FOXM1: variants seen among roughly 807,000 people sequenced by gnomAD.
FOXM1 encodes the protein forkhead box protein M1.
In FOXM1, 25 loss-of-function variants were observed where a neutral mutation model predicts 63.6. The observed-to-expected ratio is 0.39, with a 90% confidence interval of 0.29 to 0.55. The LOEUF (loss-of-function observed/expected upper bound fraction) is 0.55. Ranked by LOEUF, FOXM1 falls within the 20% of genes least tolerant of loss-of-function variation. The pLI is 0.60. For missense variants in FOXM1, 879 were observed against 958.7 expected, an observed-to-expected ratio of 0.92 and a Z score of 1.10; for synonymous variants, 387 against 376.9, an observed-to-expected ratio of 1.03 and a Z score of -0.31.
intron 4 of FOXM1, among the ~76,000 whole-genome samples, chr12:2,867,332 G>A (rs957180138): frequency 1.3e-5 from 2 of 151,932 alleles, no homozygotes; most frequent in Non-Finnish European, 2.9e-5. Flanking sequence ...AGCGGACTGT[G>A]GTGGTGCACC....
chr12:2,875,760 A>T (rs28373537), intron 1 of FOXM1, among the ~76,000 whole-genome samples: 10 of 139,902 alleles, frequency 7.1e-5, no homozygotes, highest in East Asian at 2.0e-4. Flanking sequence ...GATTTTTTTT[A>T]ATTTTTTTTT....
At chr12:2,866,585 C>A in intron 4 of FOXM1, 64 bp from the exon 5 acceptor site, 1 of 1,448,128 alleles carries the variant, frequency 6.9e-7, no homozygotes, top group Non-Finnish European at 9.1e-7. Context: ...ACCCTTCAAA[C>A]ACATGGGGAA....
rs376627884 is a variant in FOXM1 at position 2,867,555 on chromosome 12, G to A, written c.846+1008C>T. Among the ~76,000 whole-genome samples the A allele has an allele frequency of 4.3e-3, 648 of 151,922 alleles. 3 individuals are homozygous for A. Among genetic ancestry groups the A allele is most frequent in the African/African-American group, 0.015 (604 of 41,460 alleles). ...CGGGCGCCTGTAGTCCCAGCTACTCGGGAAGCTGAGGCAGGAGAATGGCGT... is the reference window on the plus strand; with the variant it reads ...CGGGCGCCTGTAGTCCCAGCTACTCAGGAAGCTGAGGCAGGAGAATGGCGT... On this transcript the variant is annotated intron_variant, in intron 4 of 8. Coordinates refer to ENST00000359843, the MANE Select transcript of FOXM1 (RefSeq NM_021953.4).
rs139984595 is a variant in FOXM1, at chr12:2,874,751, G to A, written c.-47-226C>T. On this transcript the variant is annotated intron_variant, in intron 1 of 8. Coordinates refer to ENST00000359843, the MANE Select transcript of FOXM1 (RefSeq NM_021953.4). The surrounding 1 kb of genome is among the most constrained non-coding windows in gnomAD (Gnocchi z 4.3). ...GAAGCAATTCAAAGGGCAAAAATGG[G>A]ACTGGGTTGGAGATAAGACAAAGAT... 4.8e-3 allele frequency among the ~76,000 whole-genome samples: 731 copies of A among 152,218 alleles called. 4 individuals carry two copies. The highest frequency in any genetic ancestry group is 0.017 in the African/African-American group (691 of 41,544).
chr12:2,866,645 T>A, intron 4 of FOXM1, 124 bp from the exon 5 acceptor site: 2 of 1,010,540 alleles, frequency 2.0e-6, no homozygotes, highest in Non-Finnish European at 2.7e-6. Flanking sequence ...TCGTCTGGTG[T>A]CTTTGCAGCC....
chr12:2,869,842 C>A (rs1367061122), intron 3 of FOXM1, among the ~76,000 whole-genome samples: 1 of 151,916 alleles, frequency 6.6e-6, no homozygotes, highest in Non-Finnish European at 1.5e-5. Context: ...CCACCTTGGC[C>A]TCCCAAAGTG....
intron 8 of FOXM1, chr12:2,859,900 T>G: frequency 1.8e-5 from 9 of 496,876 alleles, no homozygotes; most frequent in East Asian, 7.2e-5. Flanking sequence ...AATTGCATGC[T>G]TGTCTTACAC....
Position 2,864,433 on chromosome 12 carries a change from C to T in FOXM1, c.1153G>A (p.Val385Met). Residue 385 changes from valine (V) to methionine (M), a missense_variant, in exon 8 of 9, where the codon GTG (valine) becomes ATG (methionine). Around this residue, in one of 4 missense-constraint regions of FOXM1, gnomAD observed 76 missense variants for 94.5 expected, o/e 0.80. Transcript: ENST00000359843. This position sits in a 1 kb window ranked among gnomAD's most constrained non-coding sequence, Gnocchi z 5.1. Reference sequence around the variant, plus strand: ...GGCTGCAACACCAGTGACTGGTTCACCGGGAACTGGATAGGTACCAGGTAT... The same window carrying T: ...GGCTGCAACACCAGTGACTGGTTCATCGGGAACTGGATAGGTACCAGGTAT... ...SSYLVPIQFP[V>M]NQSLVLQPSV... is the part of the protein sequence containing the mutation. 1.2e-6 allele frequency: 2 copies of T among 1,614,172 alleles called. No homozygotes were observed. The highest frequency in any genetic ancestry group is 1.7e-6 in the Non-Finnish European group (2 of 1,180,018).
chr12:2,873,226 T>C (rs555682027), intron 2 of FOXM1, among the ~76,000 whole-genome samples: 138 of 151,726 alleles, frequency 9.1e-4, no homozygotes, highest in Non-Finnish European at 1.5e-3. Flanking sequence ...GGCAAACCCC[T>C]GTCTCTACTA....
intron 2 of FOXM1, among the ~76,000 whole-genome samples, chr12:2,873,505 G>A (rs1175465490): frequency 1.3e-5 from 2 of 151,618 alleles, no homozygotes; most frequent in Non-Finnish European, 2.9e-5. Flanking sequence ...TTGAGCTCAG[G>A]AGTCCGAGAC....
At position 2,858,529 on chromosome 12, in the gene FOXM1, G is replaced by A. The variant is rs1267274154; in HGVS notation, c.*109C>T. On this transcript the variant is annotated 3_prime_UTR_variant, in exon 9 of 9. Coordinates refer to ENST00000359843, the MANE Select transcript of FOXM1 (RefSeq NM_021953.4). The stretch of plus-strand genomic sequence containing the variant: ...ATAATCAGGCAGCAGGGAGCTATGA[G>A]GAGCAGAACAGTCCCTGCCTGCTGT... 2 of 917,284 alleles carry A rather than the reference G, an allele frequency of 2.2e-6. No homozygotes were observed. The highest frequency in any genetic ancestry group is 1.6e-6 in the Non-Finnish European group (1 of 615,902). 56.8% of individuals were successfully genotyped at this position (917,284 alleles called of 1,614,324 possible).
Position 2,858,407 on chromosome 12 carries a change from C to T in FOXM1, c.*231G>A. On this transcript the variant is annotated 3_prime_UTR_variant, in exon 9 of 9. Transcript: ENST00000359843. Reference sequence around the variant, plus strand: ...TCTTTTCACCATTGCCTTTGTTGTTCCCACCCTTCAGCTCCTGGCAGGGAC... The same window carrying T: ...TCTTTTCACCATTGCCTTTGTTGTTTCCACCCTTCAGCTCCTGGCAGGGAC... 1.9e-6 allele frequency: 1 copy of T among 513,012 alleles called. No homozygotes were observed. The highest frequency in any genetic ancestry group is 3.3e-5 in the Admixed American group (1 of 30,022). The allele number at this position is 513,012 out of a possible 1,614,324, so 31.8% of individuals were successfully genotyped here.
chr12:2,871,616 C>T (rs1474339122), intron 3 of FOXM1, among the ~76,000 whole-genome samples: 1 of 151,456 alleles, frequency 6.6e-6, no homozygotes, highest in Non-Finnish European at 1.5e-5. Flanking sequence ...TGCACCATTG[C>T]GCTCCAGCCT....
chr12:2,876,455 C>T (rs1409697907), intron 1 of FOXM1: 1 of 152,270 alleles, frequency 6.6e-6, no homozygotes, highest in African/African-American at 2.4e-5. Flanking sequence ...GACCCATCCC[C>T]ATCCTGAGCG....
Position 2,858,596 on chromosome 12 carries a change from C to A in FOXM1, c.*42G>T. 1 of 1,570,642 alleles carries A rather than the reference C, an allele frequency of 6.4e-7. No individual in the cohort carries two copies. The highest frequency in any genetic ancestry group is 1.3e-5 in the African/African-American group (1 of 74,338). ...GGGGTGCACTGAGCCTTGGAGTGCC[C>A]GGGATGGTGGACAGCTTGAGCACAG... is the stretch of plus-strand genomic sequence containing the variant. On this transcript the variant is annotated 3_prime_UTR_variant, in exon 9 of 9. Coordinates refer to ENST00000359843, the MANE Select transcript of FOXM1 (RefSeq NM_021953.4).
At chr12:2,873,031 G>A (rs2098135856) in intron 2 of FOXM1, among the ~76,000 whole-genome samples, 1 of 152,280 alleles carries the variant, frequency 6.6e-6, no homozygotes, top group Admixed American at 6.5e-5. Context: ...TCTAGCCTGG[G>A]TGACAGTGCG....
chr12:2,865,372 GCAATTGTGGAGACCCTGGGTC>G lies in FOXM1; in HGVS notation c.982_1002del (p.Asp328_Leu334del), dbSNP rs760965540. On this transcript the variant is annotated inframe_deletion, in exon 6 of 9. Transcript: ENST00000359843. Reference sequence around the variant, plus strand: ...AACCTTACTGATTCCAAGTGCTCGGGCAATTGTGGAGACCCTGGGTCCAGTGGCTGGTGGCGGCCAGGCATT... The same window carrying G: ...AACCTTACTGATTCCAAGTGCTCGGGCAGTGGCTGGTGGCGGCCAGGCATT... 144 of 1,611,118 alleles carry G rather than the reference GCAATTGTGGAGACCCTGGGTC, an allele frequency of 8.9e-5. No individual in the cohort carries two copies. Among genetic ancestry groups the G allele is most frequent in the Non-Finnish European group, 1.1e-4 (135 of 1,178,422 alleles).
chr12:2,871,515 A>G (rs60631845), intron 3 of FOXM1, among the ~76,000 whole-genome samples: 7,838 of 152,072 alleles, frequency 0.052, 668 homozygotes, highest in African/African-American at 0.18. Context: ...GCATGGTGGC[A>G]TGCACCAAGC....
chr12:2,873,398 C>CAA (rs1189846694), intron 2 of FOXM1, among the ~76,000 whole-genome samples: 6,444 of 57,774 alleles, frequency 0.11, 543 homozygotes, highest in African/African-American at 0.22. Context: ...GACTCCATCT[C>CAA]AAAAAAAAAA....
Sources: allele counts gnomAD v4.1 joint callset (sites outside exome capture counted in the v4.1 genomes callset), GRCh38; gene constraint gnomAD v4.1.1; regional missense constraint gnomAD v4.1.1; non-coding constraint Gnocchi (gnomAD v3.1); transcripts MANE v1.5; gene names NCBI Gene and HGNC (gene_info 2026-07-23, HGNC 2026-07-21).